Variants in ATP8A2 observed in about 807,000 individuals in gnomAD.
ATP8A2 encodes the protein ATPase phospholipid transporting 8A2, also known as phospholipid-transporting ATPase IB.
Under a neutral mutation model 165.6 loss-of-function variants are expected in ATP8A2, and 100 were observed. The ratio of observed to expected loss-of-function variants is 0.60; its 90% confidence interval spans 0.51 to 0.71. The LOEUF is 0.71. Among genes scored for constraint, ATP8A2 ranks in the 30% least tolerant of loss-of-function variants. The pLI, the probability that ATP8A2 is intolerant of heterozygous loss-of-function variation, is 0.00. For missense variants in ATP8A2, 1,227 were observed against 1,479.5 expected, an observed-to-expected ratio of 0.83 and a Z score of 2.80; for synonymous variants, 543 against 548.8, an observed-to-expected ratio of 0.99 and a Z score of 0.15.
chr13:25,880,520 G>A (rs1952952235), intron 33 of ATP8A2, among the ~76,000 whole-genome samples: 1 of 152,172 alleles, frequency 6.6e-6, no homozygotes, highest in Non-Finnish European at 1.5e-5. Flanking sequence ...ATCCTGACAG[G>A]CCTCAGGGGT....
intron 24 of ATP8A2, chr13:25,648,892 G>C: frequency 2.4e-6 from 1 of 423,074 alleles, no homozygotes; most frequent in South Asian, 1.7e-5. Flanking sequence ...TGAATCCACA[G>C]ATGTGGAACC....
chr13:25,477,193 A>G (rs556977296), intron 2 of ATP8A2, among the ~76,000 whole-genome samples: 4 of 152,288 alleles, frequency 2.6e-5, no homozygotes, highest in African/African-American at 7.2e-5. Flanking sequence ...AATTTGACCA[A>G]AAAAAATCTG....
chr13:25,521,200 A>T (rs1000307525), intron 2 of ATP8A2, among the ~76,000 whole-genome samples: 1 of 152,100 alleles, frequency 6.6e-6, no homozygotes, highest in Non-Finnish European at 1.5e-5. Context: ...TTTTTAAAAC[A>T]TATTATTTTA....
intron 27 of ATP8A2, among the ~76,000 whole-genome samples, chr13:25,825,046 T>G (rs1354940411): frequency 1.3e-4 from 19 of 151,962 alleles, no homozygotes; most frequent in Admixed American, 1.2e-3. Context: ...GGGCATTCTC[T>G]CTTGATTTGG....
At chr13:25,628,044 A>T (rs901044593) in intron 24 of ATP8A2, among the ~76,000 whole-genome samples, 1 of 152,190 alleles carries the variant, frequency 6.6e-6, no homozygotes, top group Admixed American at 6.6e-5. Context: ...TGCATGGTGA[A>T]CTGGGACTCC....
At chr13:25,756,672 G>T (rs951105919) in intron 25 of ATP8A2, among the ~76,000 whole-genome samples, 1 of 152,182 alleles carries the variant, frequency 6.6e-6, no homozygotes, top group Non-Finnish European at 1.5e-5. Context: ...CTGTAAAATG[G>T]AGAGAATAAC....
At chr13:25,560,891 C>CTTT (rs770147927) in intron 15 of ATP8A2, among the ~76,000 whole-genome samples, 1 of 139,764 alleles carries the variant, frequency 7.2e-6, no homozygotes, top group African/African-American at 2.7e-5. Flanking sequence ...ACATTTTTTC[C>CTTT]TTTTTTTTTT....
intron 30 of ATP8A2, among the ~76,000 whole-genome samples, chr13:25,841,314 A>T (rs2138666947): frequency 6.6e-6 from 1 of 152,296 alleles, no homozygotes; most frequent in Non-Finnish European, 1.5e-5. Flanking sequence ...AATTTGGCAA[A>T]TTACCTGGCA....
At chr13:25,721,825 T>C (rs1189901320) in intron 25 of ATP8A2, among the ~76,000 whole-genome samples, 1 of 152,246 alleles carries the variant, frequency 6.6e-6, no homozygotes, top group Non-Finnish European at 1.5e-5. Context: ...ATACCACATT[T>C]TGTTTATCCA....
intron 24 of ATP8A2, among the ~76,000 whole-genome samples, chr13:25,634,478 G>T (rs560180092): frequency 6.6e-6 from 1 of 151,984 alleles, no homozygotes; most frequent in Non-Finnish European, 1.5e-5. Context: ...GTCAAAAATC[G>T]AACCCAAAAC....
rs73473805 is a variant in ATP8A2, at chr13:25,854,863, A to G, written c.2957-5332A>G. 8.8e-3 allele frequency among the ~76,000 whole-genome samples: 1,347 copies of G among 152,330 alleles called. 20 individuals are homozygous for G. The highest frequency in any genetic ancestry group is 0.031 in the African/African-American group (1,283 of 41,572). On this transcript the variant is annotated intron_variant, in intron 30 of 36. Transcript: ENST00000381655. ...TAATTCATTGAAAGTATGCAATTCT[A>G]TGGTTTTTAATATATTCACAGAGTT...
At chr13:25,764,607 T>C (rs899825320) in intron 25 of ATP8A2, among the ~76,000 whole-genome samples, 2 of 152,214 alleles carry the variant, frequency 1.3e-5, no homozygotes, top group Non-Finnish European at 2.9e-5. Flanking sequence ...GGCTTTCTGA[T>C]CAGAGGCTGT....
intron 2 of ATP8A2, among the ~76,000 whole-genome samples, chr13:25,528,639 A>T (rs1341310929): frequency 6.6e-6 from 1 of 152,054 alleles, no homozygotes; most frequent in Admixed American, 6.6e-5. Flanking sequence ...ATTTGTTGTA[A>T]ATTAAAAACC....
At chr13:25,842,573 G>A (rs762831354) in intron 30 of ATP8A2, among the ~76,000 whole-genome samples, 14 of 152,078 alleles carry the variant, frequency 9.2e-5, no homozygotes, top group Non-Finnish European at 1.8e-4. Context: ...ATGGGAGGCT[G>A]AGGCAGCAGA....
chr13:25,389,198 C>G (rs186245649), intron 1 of ATP8A2, among the ~76,000 whole-genome samples: 4 of 152,284 alleles, frequency 2.6e-5, no homozygotes, highest in East Asian at 1.9e-4. Flanking sequence ...ACAGGAAACT[C>G]TAGCATTTTA....
intron 29 of ATP8A2, among the ~76,000 whole-genome samples, 197 bp downstream of exon 29, chr13:25,837,482 A>T (rs535527503): frequency 6.6e-6 from 1 of 150,826 alleles, no homozygotes; most frequent in African/African-American, 2.4e-5. Flanking sequence ...CCACAAACCC[A>T]GTGAATTCAA....
intron 27 of ATP8A2, among the ~76,000 whole-genome samples, chr13:25,785,604 A>G (rs957358986): frequency 1.3e-5 from 2 of 152,134 alleles, no homozygotes. Context: ...TTTTGAAATC[A>G]GATTTCGTTT....
intron 33 of ATP8A2, among the ~76,000 whole-genome samples, chr13:25,885,254 A>C (rs1953108728): frequency 1.3e-5 from 2 of 149,868 alleles, no homozygotes; most frequent in Non-Finnish European, 2.9e-5. Flanking sequence ...CTGGGACTAC[A>C]GGTGCCCACC....
At chr13:25,400,418 A>G in intron 1 of ATP8A2, among the ~76,000 whole-genome samples, 1 of 152,096 alleles carries the variant, frequency 6.6e-6, no homozygotes, top group South Asian at 2.1e-4. Context: ...TATGGGGTAC[A>G]TGCGAGTGTT....
Sources: allele counts gnomAD v4.1 joint callset (sites outside exome capture counted in the v4.1 genomes callset), GRCh38; gene constraint gnomAD v4.1.1; transcripts MANE v1.5; gene names NCBI Gene and HGNC (gene_info 2026-07-23, HGNC 2026-07-21).